The following CSRNP3 variants were observed in gnomAD, a reference collection of about 807,000 sequenced individuals.
CSRNP3 encodes the protein cysteine and serine rich nuclear protein 3.
CSRNP3 carries 12 observed loss-of-function variants against 48.0 expected under a neutral mutation model. That is an observed-to-expected ratio of 0.25 (90% CI 0.16 to 0.41). The LOEUF is 0.41. Among genes scored for constraint, CSRNP3 ranks in the 10% least tolerant of loss-of-function variants. CSRNP3 has a pLI of 1.00. For missense variants in CSRNP3, 580 were observed against 724.4 expected, an observed-to-expected ratio of 0.80 and a Z score of 2.29; for synonymous variants, 263 against 269.7, an observed-to-expected ratio of 0.98 and a Z score of 0.24.
intron 3 of CSRNP3, among the ~76,000 whole-genome samples, chr2:165,532,808 A>T (rs1042971750): frequency 1.4e-4 from 21 of 152,092 alleles, no homozygotes; most frequent in Admixed American, 4.6e-4. Context: ...TATCTAGAAA[A>T]CCCCATCATC....
chr2:165,493,229 G>T (rs1378558714), intron 1 of CSRNP3, among the ~76,000 whole-genome samples: 1 of 151,872 alleles, frequency 6.6e-6, no homozygotes, highest in African/African-American at 2.4e-5. Flanking sequence ...AGTCACTTCA[G>T]TTAGACTTGA....
At chr2:165,564,018 C>T (rs945880272) in intron 3 of CSRNP3, among the ~76,000 whole-genome samples, 5 of 151,998 alleles carry the variant, frequency 3.3e-5, no homozygotes, top group Admixed American at 1.3e-4. Flanking sequence ...AAATGTGCCA[C>T]CTCTAATCAC....
intron 3 of CSRNP3, among the ~76,000 whole-genome samples, chr2:165,520,887 G>A (rs1429577904): frequency 2.1e-5 from 3 of 142,952 alleles, no homozygotes; most frequent in South Asian, 4.4e-4. Flanking sequence ...GAGCATAGTA[G>A]CAGGATCTCG....
At chr2:165,505,018 T>C (rs894201510) in intron 2 of CSRNP3, among the ~76,000 whole-genome samples, 3 of 152,070 alleles carry the variant, frequency 2.0e-5, no homozygotes, top group Non-Finnish European at 4.4e-5. Context: ...ACTAGTACAT[T>C]GTATGGATTA....
At chr2:165,665,624 G>A (rs1323298268) in intron 5 of CSRNP3, among the ~76,000 whole-genome samples, 1 of 152,026 alleles carries the variant, frequency 6.6e-6, no homozygotes, top group Admixed American at 6.6e-5. Context: ...TAGCTGGGCA[G>A]TTGCATGTGC....
intron 4 of CSRNP3, among the ~76,000 whole-genome samples, chr2:165,600,350 T>G (rs1412864886): frequency 1.3e-5 from 2 of 151,614 alleles, no homozygotes; most frequent in Non-Finnish European, 2.9e-5. Flanking sequence ...ACATTTGGGT[T>G]GGTTCCAAGT....
chr2:165,635,471 CT>C (rs1686612307), intron 4 of CSRNP3, among the ~76,000 whole-genome samples: 1 of 152,132 alleles, frequency 6.6e-6, no homozygotes, highest in South Asian at 2.1e-4. Flanking sequence ...ACTACAGTCT[CT>C]GGGCTAATCA....
At chr2:165,667,512 T>G (rs1687255361) in intron 5 of CSRNP3, among the ~76,000 whole-genome samples, 1 of 152,176 alleles carries the variant, frequency 6.6e-6, no homozygotes, top group Non-Finnish European at 1.5e-5. Flanking sequence ...TCTTCAAAAC[T>G]GTTACACTGC....
intron 4 of CSRNP3, among the ~76,000 whole-genome samples, chr2:165,649,773 A>T (rs893089499): frequency 1.3e-5 from 2 of 152,194 alleles, no homozygotes; most frequent in Non-Finnish European, 2.9e-5. Context: ...TAAAAAAGGA[A>T]AAAAATAAGA....
In CSRNP3 at chr2:165,681,489, A is replaced by G. The variant is rs1042323071; in HGVS notation, c.*1736A>G. 4.6e-5 allele frequency: 7 copies of G among 151,808 alleles called. No homozygotes were observed. The highest frequency in any genetic ancestry group is 6.6e-5 in the Admixed American group (1 of 15,220). The allele number at this position is 151,808 out of a possible 1,614,324, so 9.4% of individuals were successfully genotyped here. On this transcript the variant is annotated 3_prime_UTR_variant, in exon 7 of 7. Coordinates refer to ENST00000651982, the MANE Select transcript of CSRNP3 (RefSeq NM_001172173.2). Reference sequence around the variant, plus strand: ...AAAGTCCTCCAGTGGAAAAGTTTCTACTAAACTTTGTTTTGGGGAAAAAAT... The same window carrying G: ...AAAGTCCTCCAGTGGAAAAGTTTCTGCTAAACTTTGTTTTGGGGAAAAAAT...
At chr2:165,678,416 A>G (rs1490515313) in intron 6 of CSRNP3, among the ~76,000 whole-genome samples, 1 of 152,150 alleles carries the variant, frequency 6.6e-6, no homozygotes, top group African/African-American at 2.4e-5. Context: ...GGGAATACAG[A>G]AAAAAGGGTA....
At chr2:165,605,511 G>A (rs1056360570) in intron 4 of CSRNP3, among the ~76,000 whole-genome samples, 1 of 151,962 alleles carries the variant, frequency 6.6e-6, no homozygotes, top group African/African-American at 2.4e-5. Flanking sequence ...AAATAACCCA[G>A]AAAAATAGAG....
intron 5 of CSRNP3, among the ~76,000 whole-genome samples, chr2:165,660,427 T>C (rs1256403831): frequency 1.3e-5 from 2 of 152,204 alleles, no homozygotes; most frequent in African/African-American, 4.8e-5. Context: ...TTAGCTCCTA[T>C]AGGCATTGAG....
At chr2:165,638,685 T>C (rs1686674435) in intron 4 of CSRNP3, among the ~76,000 whole-genome samples, 1 of 152,210 alleles carries the variant, frequency 6.6e-6, no homozygotes, top group African/African-American at 2.4e-5. Context: ...ACAGCAAAAA[T>C]ATATTTTGTT....
chr2:165,620,753 G>A (rs2105317913), intron 4 of CSRNP3, among the ~76,000 whole-genome samples: 1 of 152,216 alleles, frequency 6.6e-6, no homozygotes, highest in South Asian at 2.1e-4. Context: ...TTTGTAAGGT[G>A]CCTCCTAATT....
At chr2:165,505,659 C>T (rs1302020037) in intron 2 of CSRNP3, among the ~76,000 whole-genome samples, 7 of 152,060 alleles carry the variant, frequency 4.6e-5, no homozygotes, top group East Asian at 3.9e-4. Flanking sequence ...TCTTAAAAGG[C>T]TGCGAGGAAT....
intron 2 of CSRNP3, among the ~76,000 whole-genome samples, chr2:165,500,408 TACATATATATATAC>T (rs1318062409): frequency 1.5e-5 from 2 of 133,380 alleles, no homozygotes; most frequent in Non-Finnish European, 3.1e-5. Flanking sequence ...CATATATGTA[TACATATATATATAC>T]ACACACACAC....
chr2:165,584,929 A>T (rs996694063), intron 3 of CSRNP3, among the ~76,000 whole-genome samples: 1 of 152,202 alleles, frequency 6.6e-6, no homozygotes, highest in Non-Finnish European at 1.5e-5. Flanking sequence ...TGTTTTAAGA[A>T]AGTTTACAAA....
intron 2 of CSRNP3, among the ~76,000 whole-genome samples, chr2:165,499,118 A>G (rs1684324195): frequency 6.6e-6 from 1 of 152,164 alleles, no homozygotes; most frequent in Admixed American, 6.6e-5. Context: ...GTAAAATATC[A>G]TGGCTTGAAA....
Sources: allele counts gnomAD v4.1 joint callset (sites outside exome capture counted in the v4.1 genomes callset), GRCh38; gene constraint gnomAD v4.1.1; transcripts MANE v1.5; gene names NCBI Gene and HGNC (gene_info 2026-07-23, HGNC 2026-07-21).